Variants in DLC1 observed in about 807,000 individuals in gnomAD.
DLC1 encodes the protein rho GTPase-activating protein 7.
A neutral mutation model predicts 140.3 loss-of-function variants in DLC1; 54 were observed. That is an observed-to-expected ratio of 0.38 (90% CI 0.31 to 0.48). The LOEUF (loss-of-function observed/expected upper bound fraction) is 0.48. Among genes scored for constraint, DLC1 ranks in the 20% least tolerant of loss-of-function variants. The pLI is 0.96. For missense variants in DLC1, 2,536 were observed against 1,907.0 expected, an observed-to-expected ratio of 1.33 and a Z score of -6.14; for synonymous variants, 986 against 728.1, an observed-to-expected ratio of 1.35 and a Z score of -5.70.
intron 5 of DLC1, among the ~76,000 whole-genome samples, chr8:13,277,826 A>C (rs1831229997): frequency 1.3e-5 from 2 of 152,202 alleles, no homozygotes; most frequent in Non-Finnish European, 2.9e-5. Context: ...AACACTTTGT[A>C]AATTTCAAGA....
intron 5 of DLC1, among the ~76,000 whole-genome samples, chr8:13,162,464 A>T (rs1585809881): frequency 1.3e-5 from 2 of 152,134 alleles, no homozygotes; most frequent in Non-Finnish European, 2.9e-5. Flanking sequence ...CTGGGATTAC[A>T]GGTGCCTGCC....
chr8:13,355,744 T>C (rs1834911732), intron 4 of DLC1, among the ~76,000 whole-genome samples: 1 of 152,158 alleles, frequency 6.6e-6, no homozygotes, highest in Non-Finnish European at 1.5e-5. Flanking sequence ...CTGGAAAGTA[T>C]ATTTTTTGGC....
chr8:13,348,427 A>G (rs189720644), intron 4 of DLC1, among the ~76,000 whole-genome samples: 1 of 152,178 alleles, frequency 6.6e-6, no homozygotes, highest in Non-Finnish European at 1.5e-5. Context: ...AAATTTAAAC[A>G]TGTGACATTG....
chr8:13,117,078 A>C (rs1563631813), intron 5 of DLC1, among the ~76,000 whole-genome samples: 1 of 152,248 alleles, frequency 6.6e-6, no homozygotes, highest in South Asian at 2.1e-4. Flanking sequence ...TGTCTCAGCA[A>C]GGAAATAAAG....
chr8:13,319,286 A>T (rs1262136679), intron 4 of DLC1, among the ~76,000 whole-genome samples: 1 of 152,194 alleles, frequency 6.6e-6, no homozygotes, highest in African/African-American at 2.4e-5. Context: ...TTAAGATCCC[A>T]TTTTCGCCTC....
chr8:13,435,467 C>T (rs1839077210), intron 2 of DLC1, among the ~76,000 whole-genome samples: 2 of 152,152 alleles, frequency 1.3e-5, no homozygotes, highest in South Asian at 4.1e-4. Flanking sequence ...GCATGCGCCT[C>T]CACACCTGAC....
chr8:13,311,137 T>A (rs1832650165), intron 4 of DLC1, among the ~76,000 whole-genome samples: 1 of 152,250 alleles, frequency 6.6e-6, no homozygotes, highest in Non-Finnish European at 1.5e-5. Flanking sequence ...TAGTACTGTA[T>A]GTAGTATATT....
At chr8:13,176,408 C>G (rs1183519511) in intron 5 of DLC1, among the ~76,000 whole-genome samples, 1 of 152,096 alleles carries the variant, frequency 6.6e-6, no homozygotes, top group African/African-American at 2.4e-5. Context: ...GAAACCCCGT[C>G]TCTATTAAAA....
intron 1 of DLC1, among the ~76,000 whole-genome samples, chr8:13,579,652 AAAT>A (rs2117440841): frequency 7.2e-6 from 1 of 138,000 alleles, no homozygotes; most frequent in Admixed American, 8.0e-5. Context: ...ATATTATAAA[AAAT>A]ATATACACAT....
chr8:13,240,670 C>A (rs1245078116), intron 5 of DLC1, among the ~76,000 whole-genome samples: 1 of 152,130 alleles, frequency 6.6e-6, no homozygotes, highest in Non-Finnish European at 1.5e-5. Context: ...TGAACTCAAG[C>A]AGTCCTTCCA....
chr8:13,349,669 T>C (rs1487947003), intron 4 of DLC1, among the ~76,000 whole-genome samples: 3 of 152,144 alleles, frequency 2.0e-5, no homozygotes, highest in African/African-American at 7.2e-5. Flanking sequence ...ATAAGGAAAG[T>C]CCCTAACACG....
At chr8:13,398,352 G>A (rs918893416) in intron 3 of DLC1, among the ~76,000 whole-genome samples, 1 of 151,964 alleles carries the variant, frequency 6.6e-6, no homozygotes, top group East Asian at 1.9e-4. Context: ...AGGATTTATT[G>A]AATAGGTAGG....
intron 3 of DLC1, among the ~76,000 whole-genome samples, chr8:13,394,453 G>A (rs1477051035): frequency 6.6e-6 from 1 of 151,904 alleles, no homozygotes; most frequent in Non-Finnish European, 1.5e-5. Flanking sequence ...CATGTCTGTT[G>A]AGTGGATAGA....
intron 5 of DLC1, chr8:13,133,389 C>G (rs1409114561): frequency 2.3e-6 from 2 of 885,818 alleles, no homozygotes; most frequent in Admixed American, 6.0e-5. Flanking sequence ...CTGTCTGGGT[C>G]GCAGGCCTTA....
At chr8:13,240,960 G>A (rs1829520283) in intron 5 of DLC1, among the ~76,000 whole-genome samples, 1 of 152,206 alleles carries the variant, frequency 6.6e-6, no homozygotes, top group African/African-American at 2.4e-5. Flanking sequence ...AGGAGGCTAA[G>A]AAGGAGAGAG....
intron 5 of DLC1, among the ~76,000 whole-genome samples, chr8:13,213,266 C>T (rs1206580796): frequency 3.9e-5 from 6 of 152,138 alleles, no homozygotes; most frequent in Admixed American, 2.0e-4. Context: ...TACCTGGGCC[C>T]ACTGTATAGA....
At chr8:13,281,527 A>G (rs73665935) in intron 5 of DLC1, among the ~76,000 whole-genome samples, 1 of 152,216 alleles carries the variant, frequency 6.6e-6, no homozygotes, top group East Asian at 1.9e-4. Flanking sequence ...TACAAAGCAC[A>G]TAAGTACCAT....
At chr8:13,426,412 A>G (rs1473230113) in intron 2 of DLC1, among the ~76,000 whole-genome samples, 1 of 152,226 alleles carries the variant, frequency 6.6e-6, no homozygotes, top group East Asian at 1.9e-4. Flanking sequence ...TGTACTAGTA[A>G]TTGAATACCA....
At chr8:13,144,987 C>T (rs1419463256) in intron 5 of DLC1, among the ~76,000 whole-genome samples, 3 of 152,018 alleles carry the variant, frequency 2.0e-5, no homozygotes, top group Non-Finnish European at 2.9e-5. Context: ...ATAATTAGAA[C>T]GGCCACATTC....
Sources: gnomAD v4.1 joint callset for allele counts (sites outside exome capture counted in the v4.1 genomes callset) on GRCh38, gnomAD v4.1.1 for gene constraint, MANE v1.5 for transcripts, NCBI Gene and HGNC (gene_info 2026-07-23, HGNC 2026-07-21) for gene names.